The following CFAP46 variants were observed in gnomAD, a reference collection of about 807,000 sequenced individuals.
CFAP46 encodes the protein cilia- and flagella-associated protein 46.
In CFAP46, 245 loss-of-function variants were observed where a neutral mutation model predicts 325.7. That is an observed-to-expected ratio of 0.75 (90% CI 0.68 to 0.84). CFAP46 has a LOEUF of 0.84. Ranked by LOEUF, CFAP46 falls within the 40% of genes least tolerant of loss-of-function variation. CFAP46 has a pLI of 0.00. For missense variants in CFAP46, 3,346 were observed against 3,543.0 expected (o/e 0.94, Z 1.41); for synonymous variants, 1,523 against 1,495.9 (o/e 1.02, Z -0.42).
intron 41 of CFAP46, among the ~76,000 whole-genome samples, chr10:132,849,943 A>G (rs1848507877): frequency 6.6e-6 from 1 of 151,188 alleles, no homozygotes; most frequent in Non-Finnish European, 1.5e-5. Context: ...TCGCCAGCAC[A>G]GGGCTTGATT....
intron 8 of CFAP46, among the ~76,000 whole-genome samples, chr10:132,930,425 T>C (rs1412270287): frequency 3.9e-5 from 4 of 103,452 alleles, no homozygotes; most frequent in African/African-American, 7.7e-5. Flanking sequence ...CCTTCCTTCT[T>C]CCCACACAGA....
At position 132,854,423 on chromosome 10, in the gene CFAP46, T is replaced by TC. The variant is rs1438265773; in HGVS notation, c.5575-3119dup. ...GTGATCGCCACTCACTGCAAGCTCT[T>TC]CCCCCCCAGGTTCACGCCATTCTCC... is the stretch of plus-strand genomic sequence containing the variant. On this transcript the variant is annotated intron_variant, in intron 39 of 57. Coordinates refer to ENST00000368586, the MANE Select transcript of CFAP46 (RefSeq NM_001200049.3). Among the ~76,000 whole-genome samples the TC allele has an allele frequency of 3.3e-5, 5 of 152,162 alleles. No homozygotes were observed. The East Asian group carries it at 9.6e-4, about 29-fold the overall frequency.
At chr10:132,938,507 C>T (rs1219331957) in intron 5 of CFAP46, 82 bp downstream of exon 5, 3 of 1,364,834 alleles carry the variant, frequency 2.2e-6, no homozygotes, top group Non-Finnish European at 3.1e-6. Context: ...CTCCCGTCCC[C>T]CCCCCGGAGA....
chr10:132,929,153 G>A (rs1021709147), intron 9 of CFAP46: 22 of 271,298 alleles, frequency 8.1e-5, no homozygotes, highest in South Asian at 1.6e-4. Flanking sequence ...TTTTCTAGAC[G>A]GAAATCCCTA....
chr10:132,866,598 G>A (rs1417087611), intron 34 of CFAP46, among the ~76,000 whole-genome samples: 4 of 152,152 alleles, frequency 2.6e-5, no homozygotes, highest in African/African-American at 9.7e-5. Context: ...GCCGGTGGCT[G>A]AGCCCCTGCA....
chr10:132,823,703 CTG>C (rs1847950315), intron 50 of CFAP46, among the ~76,000 whole-genome samples: 1 of 110,320 alleles, frequency 9.1e-6, no homozygotes, highest in Non-Finnish European at 1.7e-5. Context: ...CTGATGTGTG[CTG>C]TGTGCTGACG....
chr10:132,934,603 G>C (rs55728488), intron 8 of CFAP46, 149 bp downstream of exon 8: 1 of 621,812 alleles, frequency 1.6e-6, no homozygotes, highest in Non-Finnish European at 2.8e-6. Flanking sequence ...CAAAAGACCA[G>C]ACAGGACCTT....
intron 25 of CFAP46, among the ~76,000 whole-genome samples, chr10:132,887,541 C>A: frequency 2.8e-5 from 3 of 108,678 alleles, no homozygotes; most frequent in Non-Finnish European, 3.9e-5. Context: ...CCTCTCCCCT[C>A]TTCTCTCCTC....
chr10:132,812,478 A>G (rs2134754664), intron 55 of CFAP46, among the ~76,000 whole-genome samples: 1 of 152,244 alleles, frequency 6.6e-6, no homozygotes. Context: ...TGGGCCCAGC[A>G]CTGACTCCTG....
chr10:132,871,001 C>T (rs369824372), intron 32 of CFAP46, among the ~76,000 whole-genome samples: 6 of 152,202 alleles, frequency 3.9e-5, no homozygotes, highest in Admixed American at 1.3e-4. Flanking sequence ...CTAACGCAGC[C>T]GGGGACTTTG....
chr10:132,830,351 C>A (rs1350572824), intron 50 of CFAP46, among the ~76,000 whole-genome samples: 1 of 152,152 alleles, frequency 6.6e-6, no homozygotes, highest in Non-Finnish European at 1.5e-5. Context: ...ACCATCTTGG[C>A]CAGGCTGGTC....
At position 132,886,641 on chromosome 10, in the gene CFAP46, G is replaced by A. The variant is rs180742218; in HGVS notation, c.3305-682C>T. Among the ~76,000 whole-genome samples the A allele has an allele frequency of 3.2e-3, 491 of 152,270 alleles. 5 individuals carry two copies. Among genetic ancestry groups the A allele is most frequent in the African/African-American group, 0.011 (462 of 41,542 alleles). On this transcript the variant is annotated intron_variant, in intron 25 of 57. Transcript: ENST00000368586. This position sits in a 1 kb window ranked among gnomAD's most constrained non-coding sequence, Gnocchi z 5.8. ...GAACTTGAAGGGCCCTGAAGAGACG[G>A]GGTGAACACAGGGCCGCATCCCTCA...
intron 54 of CFAP46, 119 bp downstream of exon 54, chr10:132,814,033 C>G (rs1456934623): frequency 1.4e-6 from 1 of 715,642 alleles, no homozygotes; most frequent in African/African-American, 1.7e-5. Flanking sequence ...GCATTGCATG[C>G]TGTATGTGGC....
At chr10:132,892,855 T>C (rs532812047) in intron 24 of CFAP46, among the ~76,000 whole-genome samples, 2 of 152,280 alleles carry the variant, frequency 1.3e-5, no homozygotes, top group African/African-American at 2.4e-5. Context: ...CATTTTGTTA[T>C]AGTAGGTAGC....
At position 132,878,081 on chromosome 10, in the gene CFAP46, A is replaced by G. The variant is rs1848982992; in HGVS notation, c.4012T>C (p.Leu1338=). ...AFFRHIWQVS[L]MTAGKSVLEN... ...AGAACTGATTTTCCTGCTGTCATCA[A>G]AGAAACCTGGTGGGGATGAAATCCA... The change falls in exon 30 of 58, where the codon TTG becomes CTG. Residue 1338 remains leucine, a synonymous_variant. Coordinates refer to ENST00000368586, the MANE Select transcript of CFAP46 (RefSeq NM_001200049.3). 5.2e-6 allele frequency: 8 copies of G among 1,548,608 alleles called. No individual in the cohort carries two copies. Among genetic ancestry groups the G allele is most frequent in the Non-Finnish European group, 7.0e-6 (8 of 1,146,000 alleles).
At chr10:132,891,125 A>G (rs1432268368) in intron 25 of CFAP46, among the ~76,000 whole-genome samples, 1 of 152,186 alleles carries the variant, frequency 6.6e-6, no homozygotes, top group Non-Finnish European at 1.5e-5. Context: ...TTTATCTGTG[A>G]GCACAGCCTA....
At chr10:132,904,595 G>GCA (rs1849431102) in intron 22 of CFAP46, among the ~76,000 whole-genome samples, 1 of 152,224 alleles carries the variant, frequency 6.6e-6, no homozygotes, top group Non-Finnish European at 1.5e-5. Context: ...CACAGCAGTG[G>GCA]CACGGCCAGG....
In CFAP46 at chr10:132,885,763, T is replaced by TG. The variant is rs1273707045; in HGVS notation, c.3443+57dup. ...CGGTGTGGGGAGCACTCACAGGCGGTGGGGGGAGCACTCAGGCGGTGGAGG... is the reference window on the plus strand; with the variant it reads ...CGGTGTGGGGAGCACTCACAGGCGGTGGGGGGGAGCACTCAGGCGGTGGAGG... On this transcript the variant is annotated intron_variant, in intron 26 of 57. Transcript: ENST00000368586. 1.2e-4 allele frequency: 162 copies of TG among 1,336,938 alleles called. 2 individuals are homozygous for TG. In the South Asian group the frequency reaches 2.0e-3, roughly 16 times the overall value. The allele number at this position is 1,336,938 out of a possible 1,614,324, so 82.8% of individuals were successfully genotyped here. A position where few individuals can be genotyped will look rare whatever the true frequency, so the allele number is the denominator to read the frequency against.
intron 25 of CFAP46, among the ~76,000 whole-genome samples, chr10:132,888,360 C>A (rs1443538134): frequency 2.6e-5 from 2 of 78,362 alleles, no homozygotes; most frequent in African/African-American, 1.4e-4. Context: ...CCCCTGCCGC[C>A]TGCACCTGCC....
Sources: gnomAD v4.1 joint callset for allele counts (sites outside exome capture counted in the v4.1 genomes callset) on GRCh38, gnomAD v4.1.1 for gene constraint, Gnocchi (gnomAD v3.1) non-coding constraint, MANE v1.5 for transcripts, NCBI Gene and HGNC (gene_info 2026-07-23, HGNC 2026-07-21) for gene names.